Variants in KCND2 observed in about 807,000 individuals in gnomAD.
KCND2 encodes A-type voltage-gated potassium channel KCND2.
KCND2 carries 16 observed loss-of-function variants against 54.4 expected under a neutral mutation model. The observed-to-expected ratio is 0.29, with a 90% CI of 0.20 to 0.45. KCND2 has a LOEUF of 0.45. KCND2 is among the 20% of genes least tolerant of loss of function. The probability of loss-of-function intolerance (pLI) is 1.00; values close to 1 mark genes in which losing one functional copy is unlikely to be tolerated. For synonymous variants in KCND2, 317 were observed against 310.7 expected, an observed-to-expected ratio of 1.02 and a Z score of -0.21; for missense variants, 486 against 824.2, an observed-to-expected ratio of 0.59 and a Z score of 5.02.
intron 1 of KCND2, among the ~76,000 whole-genome samples, chr7:120,439,759 T>C (rs1158358984): frequency 6.6e-6 from 1 of 152,088 alleles, no homozygotes; most frequent in Non-Finnish European, 1.5e-5. Context: ...TATGAGGTAT[T>C]GTTTAGCTTT....
Position 120,430,777 on chromosome 7 carries a change from A to G in KCND2, c.1115+155030A>G, listed in dbSNP as rs561744217. ...AGAAAAATTCAGTGCAGTTATGAGT[A>G]TACAGCCATCTTCTGTAAGCCACAC... On this transcript the variant is annotated intron_variant, in intron 1 of 5. Coordinates refer to ENST00000331113, the MANE Select transcript of KCND2 (RefSeq NM_012281.3). 2.6e-5 allele frequency among the ~76,000 whole-genome samples: 4 copies of G among 152,336 alleles called. No homozygotes were observed. In the South Asian group the frequency reaches 6.2e-4, roughly 24 times the overall value.
intron 1 of KCND2, among the ~76,000 whole-genome samples, chr7:120,689,902 A>G (rs898154594): frequency 1.3e-5 from 2 of 152,158 alleles, no homozygotes; most frequent in African/African-American, 4.8e-5. Context: ...CTCTATCAGT[A>G]TTGGGGAGTT....
intron 1 of KCND2, among the ~76,000 whole-genome samples, chr7:120,309,228 G>A (rs961171704): frequency 3.9e-5 from 6 of 152,098 alleles, no homozygotes; most frequent in East Asian, 1.9e-4. Context: ...CCACGCAATC[G>A]CTCTTCGCAG....
In KCND2 at chr7:120,536,729, A is replaced by G. The variant is rs189615020; in HGVS notation, c.1116-196174A>G. Reference sequence around the variant, plus strand: ...CACAGGATGGCAGCAATTCAGCCATATCATTAGGCTCCACTTCTAATTCTA... The same window carrying G: ...CACAGGATGGCAGCAATTCAGCCATGTCATTAGGCTCCACTTCTAATTCTA... On this transcript the variant is annotated intron_variant, in intron 1 of 5. Coordinates refer to ENST00000331113, the MANE Select transcript of KCND2 (RefSeq NM_012281.3). Among the ~76,000 whole-genome samples the G allele has an allele frequency of 4.5e-3, 685 of 152,202 alleles. 5 individuals are homozygous for G. Among genetic ancestry groups the G allele is most frequent in the African/African-American group, 0.016 (655 of 41,544 alleles).
At chr7:120,373,593 T>C (rs1188331240) in intron 1 of KCND2, among the ~76,000 whole-genome samples, 1 of 151,850 alleles carries the variant, frequency 6.6e-6, no homozygotes, top group Non-Finnish European at 1.5e-5. Flanking sequence ...AAGAGCTATC[T>C]CCACACTGGG....
chr7:120,455,366 G>A (rs1379094253), intron 1 of KCND2, among the ~76,000 whole-genome samples: 1 of 152,036 alleles, frequency 6.6e-6, no homozygotes, highest in Non-Finnish European at 1.5e-5. Context: ...AGAATAGAGA[G>A]ATTACACACT....
At chr7:120,599,359 C>T (rs1272953113) in intron 1 of KCND2, among the ~76,000 whole-genome samples, 1 of 151,610 alleles carries the variant, frequency 6.6e-6, no homozygotes, top group Non-Finnish European at 1.5e-5. Flanking sequence ...AATTATTTGT[C>T]TCAAAAAAAA....
chr7:120,501,053 G>A (rs368704856), intron 1 of KCND2, among the ~76,000 whole-genome samples: 2 of 151,820 alleles, frequency 1.3e-5, no homozygotes, highest in African/African-American at 4.8e-5. Flanking sequence ...ATACCCTAAA[G>A]CTATATTTTG....
chr7:120,717,980 C>A (rs548543546), intron 1 of KCND2, among the ~76,000 whole-genome samples: 1 of 152,052 alleles, frequency 6.6e-6, no homozygotes, highest in Non-Finnish European at 1.5e-5. Flanking sequence ...CCTTCTCCCC[C>A]CTGCACCAAT....
chr7:120,434,658 C>G (rs1007021374), intron 1 of KCND2, among the ~76,000 whole-genome samples: 5 of 152,200 alleles, frequency 3.3e-5, no homozygotes, highest in African/African-American at 1.2e-4. Context: ...ATGGTTAAAT[C>G]AAGAACTTCT....
intron 1 of KCND2, among the ~76,000 whole-genome samples, chr7:120,492,135 A>G (rs1476895380): frequency 6.6e-6 from 1 of 152,090 alleles, no homozygotes; most frequent in Non-Finnish European, 1.5e-5. Context: ...ATCTTGGAAC[A>G]CTTCACTTCC....
At chr7:120,404,778 T>C (rs1473915828) in intron 1 of KCND2, among the ~76,000 whole-genome samples, 1 of 426 alleles carries the variant, frequency 2.3e-3, no homozygotes, top group African/African-American at 9.4e-3. Context: ...GGGGGGGACC[T>C]TTGTGAATTT....
At chr7:120,700,064 CA>C (rs2116026126) in intron 1 of KCND2, among the ~76,000 whole-genome samples, 1 of 151,984 alleles carries the variant, frequency 6.6e-6, no homozygotes, top group African/African-American at 2.4e-5. Context: ...AAGAGAGCTT[CA>C]GGGGTGATAT....
At chr7:120,502,234 AAGCTGGCTGTT>A (rs1026523044) in intron 1 of KCND2, among the ~76,000 whole-genome samples, 4 of 151,948 alleles carry the variant, frequency 2.6e-5, no homozygotes, top group Non-Finnish European at 4.4e-5. Flanking sequence ...GTCCTGCTAA[AAGCTGGCTGTT>A]AGCTTAGAGA....
At chr7:120,580,209 T>C (rs1792497727) in intron 1 of KCND2, among the ~76,000 whole-genome samples, 1 of 152,218 alleles carries the variant, frequency 6.6e-6, no homozygotes, top group African/African-American at 2.4e-5. Flanking sequence ...GGGGAAAATG[T>C]TTTCATAGAG....
chr7:120,558,575 CTAAT>C (rs1364319561), intron 1 of KCND2, among the ~76,000 whole-genome samples: 32 of 152,158 alleles, frequency 2.1e-4, no homozygotes, highest in Non-Finnish European at 1.6e-4. Flanking sequence ...ATGTGAACAA[CTAAT>C]TAGCCACAAA....
chr7:120,609,057 G>A (rs1009710985), intron 1 of KCND2, among the ~76,000 whole-genome samples: 9 of 151,948 alleles, frequency 5.9e-5, no homozygotes, highest in Non-Finnish European at 1.2e-4. Context: ...GTTTTCAGCG[G>A]GTTAATCATC....
chr7:120,578,875 G>A (rs995053004), intron 1 of KCND2, among the ~76,000 whole-genome samples: 9 of 151,088 alleles, frequency 6.0e-5, no homozygotes, highest in South Asian at 2.1e-4. Flanking sequence ...GATTGATTGC[G>A]CCACTGCACT....
intron 1 of KCND2, among the ~76,000 whole-genome samples, chr7:120,323,331 G>A (rs1421283162): frequency 6.6e-6 from 1 of 151,900 alleles, no homozygotes; most frequent in East Asian, 1.9e-4. Context: ...AAGTTTTAGG[G>A]TACATGAGCA....
Sources: gnomAD v4.1 joint callset for allele counts (sites outside exome capture counted in the v4.1 genomes callset) on GRCh38, gnomAD v4.1.1 for gene constraint, MANE v1.5 for transcripts, NCBI Gene and HGNC (gene_info 2026-07-23, HGNC 2026-07-21) for gene names.